Variants in AFG1L observed in about 807,000 individuals in gnomAD.
AFG1L encodes the protein AFG1-like ATPase.
Under a neutral mutation model 62.2 loss-of-function variants are expected in AFG1L, and 53 were observed. The ratio of observed to expected loss-of-function variants is 0.85; its 90% confidence interval spans 0.68 to 1.07. The LOEUF (loss-of-function observed/expected upper bound fraction) is 1.07. Among genes scored for constraint, AFG1L ranks in the 50% least tolerant of loss-of-function variants. AFG1L has a pLI of 0.00. For synonymous variants in AFG1L, 228 were observed against 210.3 expected (o/e 1.08, Z -0.73); for missense variants, 555 against 590.5 (o/e 0.94, Z 0.62).
chr6:108,382,180 A>G (rs2114558307), intron 6 of AFG1L, among the ~76,000 whole-genome samples: 1 of 152,022 alleles, frequency 6.6e-6, no homozygotes, highest in Middle Eastern at 3.4e-3. Flanking sequence ...TTGTATTTTT[A>G]GTAGAGACGG....
At chr6:108,469,091 A>G (rs1772787892) in intron 8 of AFG1L, among the ~76,000 whole-genome samples, 1 of 152,238 alleles carries the variant, frequency 6.6e-6, no homozygotes, top group Non-Finnish European at 1.5e-5. Flanking sequence ...AAGGCATTAA[A>G]AAGCTAATCA....
At chr6:108,342,504 G>A (rs978460025) in intron 2 of AFG1L, among the ~76,000 whole-genome samples, 3 of 152,142 alleles carry the variant, frequency 2.0e-5, no homozygotes, top group Admixed American at 1.3e-4. Context: ...GAAGAAAACC[G>A]TGTAACCCTT....
chr6:108,430,884 T>G (rs1771040720), intron 7 of AFG1L, among the ~76,000 whole-genome samples: 1 of 152,224 alleles, frequency 6.6e-6, no homozygotes, highest in South Asian at 2.1e-4. Context: ...ACTCTTCATA[T>G]TAACATTAGG....
At chr6:108,421,020 C>T (rs917791756) in intron 7 of AFG1L, among the ~76,000 whole-genome samples, 2 of 152,056 alleles carry the variant, frequency 1.3e-5, no homozygotes, top group Non-Finnish European at 2.9e-5. Context: ...TAAAATTCTC[C>T]CTTTCCCCTC....
intron 10 of AFG1L, among the ~76,000 whole-genome samples, chr6:108,488,550 TG>T (rs1773654149): frequency 1.3e-5 from 2 of 152,152 alleles, no homozygotes; most frequent in Admixed American, 6.5e-5. Context: ...TTTATGTTTC[TG>T]GGGAAAACAC....
intron 8 of AFG1L, among the ~76,000 whole-genome samples, chr6:108,456,237 G>A (rs1023414595): frequency 1.3e-5 from 2 of 151,910 alleles, no homozygotes; most frequent in Admixed American, 1.3e-4. Flanking sequence ...TATTAATGTA[G>A]CCACTTCAGC....
At chr6:108,409,329 G>A (rs922800520) in intron 7 of AFG1L, among the ~76,000 whole-genome samples, 7 of 152,134 alleles carry the variant, frequency 4.6e-5, no homozygotes, top group Non-Finnish European at 8.8e-5. Flanking sequence ...CAGCAGACCT[G>A]ACTAGGAGAA....
chr6:108,442,919 A>C (rs1326957299), intron 7 of AFG1L, among the ~76,000 whole-genome samples: 1 of 152,112 alleles, frequency 6.6e-6, no homozygotes, highest in Non-Finnish European at 1.5e-5. Flanking sequence ...GAGGAGGGGA[A>C]ATGCAATCTA....
At chr6:108,317,191 A>G (rs1321250404) in intron 1 of AFG1L, among the ~76,000 whole-genome samples, 1 of 152,218 alleles carries the variant, frequency 6.6e-6, no homozygotes, top group Non-Finnish European at 1.5e-5. Flanking sequence ...GCACAGGCAA[A>G]ATCAATCCCC....
intron 10 of AFG1L, among the ~76,000 whole-genome samples, chr6:108,504,249 A>T (rs953012858): frequency 1.3e-5 from 2 of 152,224 alleles, no homozygotes; most frequent in Non-Finnish European, 1.5e-5. Flanking sequence ...TGCCTTCCCC[A>T]CTAAGCATAA....
intron 6 of AFG1L, among the ~76,000 whole-genome samples, chr6:108,370,721 T>C (rs1161841484): frequency 1.3e-5 from 2 of 152,154 alleles, no homozygotes; most frequent in East Asian, 3.9e-4. Context: ...TTTTCTGGCT[T>C]GTACAGCTGG....
At chr6:108,329,601 A>G (rs1778193585) in intron 2 of AFG1L, among the ~76,000 whole-genome samples, 1 of 152,084 alleles carries the variant, frequency 6.6e-6, no homozygotes, top group African/African-American at 2.4e-5. Context: ...GCCTGGCCCC[A>G]CTAAATCTTT....
At chr6:108,336,120 G>T (rs530631544) in intron 2 of AFG1L, among the ~76,000 whole-genome samples, 1 of 152,116 alleles carries the variant, frequency 6.6e-6, no homozygotes, top group Non-Finnish European at 1.5e-5. Flanking sequence ...AGTTTTTAAA[G>T]ATCTTCTTAG....
At chr6:108,390,532 C>T (rs1240922092) in intron 6 of AFG1L, among the ~76,000 whole-genome samples, 1 of 152,132 alleles carries the variant, frequency 6.6e-6, no homozygotes, top group Non-Finnish European at 1.5e-5. Flanking sequence ...TGGTGACTTA[C>T]AGATGGCGTT....
intron 8 of AFG1L, among the ~76,000 whole-genome samples, chr6:108,449,405 T>C (rs2114755863): frequency 6.6e-6 from 1 of 152,168 alleles, no homozygotes; most frequent in Admixed American, 6.5e-5. Context: ...TATGTAAGTA[T>C]CCCTGAAGAG....
chr6:108,483,153 T>C (rs562246901), intron 10 of AFG1L, among the ~76,000 whole-genome samples: 2 of 152,340 alleles, frequency 1.3e-5, no homozygotes, highest in South Asian at 4.1e-4. Flanking sequence ...TTAATCCAGA[T>C]ATTAAAGAGA....
At chr6:108,405,790 C>T (rs1360684712) in intron 7 of AFG1L, among the ~76,000 whole-genome samples, 1 of 152,186 alleles carries the variant, frequency 6.6e-6, no homozygotes, top group Non-Finnish European at 1.5e-5. Flanking sequence ...CACCCATTGT[C>T]CCCCTTTCCC....
At chr6:108,450,781 G>C (rs1772020309) in intron 8 of AFG1L, among the ~76,000 whole-genome samples, 1 of 151,994 alleles carries the variant, frequency 6.6e-6, no homozygotes, top group Non-Finnish European at 1.5e-5. Flanking sequence ...GTTGTATAAG[G>C]TGTAAGGAAG....
At chr6:108,517,250 C>G (rs1423260450) in intron 11 of AFG1L, among the ~76,000 whole-genome samples, 2 of 152,206 alleles carry the variant, frequency 1.3e-5, no homozygotes, top group Admixed American at 6.5e-5. Flanking sequence ...TGACTTCAAA[C>G]TATACTACAA....
Sources: allele counts gnomAD v4.1 joint callset (sites outside exome capture counted in the v4.1 genomes callset), GRCh38; gene constraint gnomAD v4.1.1; transcripts MANE v1.5; gene names NCBI Gene and HGNC (gene_info 2026-07-23, HGNC 2026-07-21).